Variants in AGTR1 observed in about 807,000 individuals in gnomAD.
The protein encoded by AGTR1 is angiotensin II receptor type 1.
In AGTR1, 16 loss-of-function variants were observed where a neutral mutation model predicts 19.4. The ratio of observed to expected loss-of-function variants is 0.82; its 90% CI spans 0.56 to 1.25. The LOEUF (loss-of-function observed/expected upper bound fraction) is 1.25, where lower values mean the gene tolerates loss of function less well. Ranked by LOEUF, AGTR1 falls within the 50% of genes most tolerant of loss-of-function variation. The pLI, the probability that AGTR1 is intolerant of heterozygous loss-of-function variation, is 0.00. For synonymous variants in AGTR1, 153 were observed against 154.9 expected (o/e 0.99, Z 0.09); for missense variants, 373 against 431.9 (o/e 0.86, Z 1.21).
chr3:148,740,845 T>C, intron 2 of AGTR1, 144 bp from the exon 3 acceptor site: 1 of 700,806 alleles, frequency 1.4e-6, no homozygotes, highest in South Asian at 1.9e-5. Flanking sequence ...CAGTTCACAG[T>C]GTTTCCTTAA....
chr3:148,735,540 A>C (rs1199243928), intron 2 of AGTR1, among the ~76,000 whole-genome samples: 1 of 152,196 alleles, frequency 6.6e-6, no homozygotes. Flanking sequence ...TAAATAGTAA[A>C]GCAATTGGGT....
chr3:148,704,302 G>T (rs1712540195), intron 1 of AGTR1, among the ~76,000 whole-genome samples: 1 of 151,940 alleles, frequency 6.6e-6, no homozygotes, highest in Admixed American at 6.6e-5. Flanking sequence ...GGAGGTGAAG[G>T]CTGCAGTGAG....
intron 1 of AGTR1, among the ~76,000 whole-genome samples, chr3:148,704,086 G>A (rs1364999895): frequency 6.6e-6 from 1 of 152,030 alleles, no homozygotes; most frequent in South Asian, 2.1e-4. Context: ...TGGAGCCCAG[G>A]TATGGTGGCT....
chr3:148,736,874 G>T (rs140182445), intron 2 of AGTR1, among the ~76,000 whole-genome samples: 8 of 152,292 alleles, frequency 5.3e-5, no homozygotes, highest in African/African-American at 1.9e-4. Flanking sequence ...TTTAATCAGG[G>T]TTCTATCTAC....
At chr3:148,717,124 G>T (rs1363930453) in intron 2 of AGTR1, among the ~76,000 whole-genome samples, 1 of 129,344 alleles carries the variant, frequency 7.7e-6, no homozygotes, top group Non-Finnish European at 1.5e-5. Flanking sequence ...CTTATCTATT[G>T]CTCACACACT....
chr3:148,726,878 G>A (rs997689174), intron 2 of AGTR1, among the ~76,000 whole-genome samples: 2 of 152,122 alleles, frequency 1.3e-5, no homozygotes, highest in African/African-American at 4.8e-5. Context: ...GAACAGTGGT[G>A]TTTTCATAGT....
intron 2 of AGTR1, among the ~76,000 whole-genome samples, chr3:148,713,168 A>T (rs1171717275): frequency 6.6e-6 from 1 of 152,192 alleles, no homozygotes; most frequent in Non-Finnish European, 1.5e-5. Flanking sequence ...GGCCTAATTT[A>T]ACATCTTAAA....
Position 148,741,798 on chromosome 3 carries a change from C to A in AGTR1, c.763C>A (p.Pro255Thr). Reference protein sequence around the residue: ...IVLFFFFSWIPHQIFTFLDVL... With the variant: ...IVLFFFFSWITHQIFTFLDVL... ...GCTTTTCTTTTTCTTTTCCTGGATTCCCCACCAAATATTCACTTTTCTGGA... is the reference window on the plus strand; with the variant it reads ...GCTTTTCTTTTTCTTTTCCTGGATTACCCACCAAATATTCACTTTTCTGGA... The change falls in exon 3 of 3, where the codon CCC becomes ACC. Residue 255 changes from proline to threonine, a missense_variant. By Grantham distance (38) the Pro-to-Thr change is conservative (BLOSUM62 -1). Coordinates refer to ENST00000349243, the MANE Select transcript of AGTR1 (RefSeq NM_000685.5). The A allele has an allele frequency of 6.2e-7, 1 of 1,613,064 alleles. No homozygotes were observed. Among genetic ancestry groups the A allele is most frequent in the Non-Finnish European group, 8.5e-7 (1 of 1,179,836 alleles).
chr3:148,740,034 G>T, intron 2 of AGTR1: 1 of 1,168,954 alleles, frequency 8.6e-7, no homozygotes, highest in South Asian at 4.3e-5. Context: ...AGAATGTGTT[G>T]ATTTTCTAAA....
chr3:148,732,980 T>TC (rs1308410526), intron 2 of AGTR1, among the ~76,000 whole-genome samples: 2 of 151,812 alleles, frequency 1.3e-5, no homozygotes, highest in African/African-American at 4.8e-5. Context: ...GACCTCGTGA[T>TC]CCGCCCGCCT....
At position 148,741,761 on chromosome 3, in the gene AGTR1, T is replaced by C; in HGVS notation, c.726T>C (p.Ile242=). Residue 242 remains isoleucine, a synonymous_variant, in exon 3 of 3, where the codon ATT becomes ATC. Transcript: ENST00000349243. ...KPRNDDIFKI[I]MAIVLFFFFS... ...GAAATGATGATATTTTTAAGATAAT[T>C]ATGGCAATTGTGCTTTTCTTTTTCT... 6.2e-7 allele frequency: 1 copy of C among 1,613,586 alleles called. No homozygotes were observed. The highest frequency in any genetic ancestry group is 8.5e-7 in the Non-Finnish European group (1 of 1,179,950).
At chr3:148,732,187 T>C (rs1714295012) in intron 2 of AGTR1, among the ~76,000 whole-genome samples, 1 of 152,252 alleles carries the variant, frequency 6.6e-6, no homozygotes, top group Non-Finnish European at 1.5e-5. Context: ...TGGCAAGCTT[T>C]TAATTTTGAT....
At chr3:148,698,780 C>T (rs1296969505) in intron 1 of AGTR1, among the ~76,000 whole-genome samples, 3 of 152,184 alleles carry the variant, frequency 2.0e-5, no homozygotes, top group African/African-American at 7.2e-5. Flanking sequence ...ACAGCCTTAG[C>T]CAATGCATGT....
intron 2 of AGTR1, among the ~76,000 whole-genome samples, chr3:148,723,501 C>A (rs577556385): frequency 6.6e-6 from 1 of 152,028 alleles, no homozygotes; most frequent in South Asian, 2.1e-4. Flanking sequence ...ATAAGAATAC[C>A]CAAATCATGG....
chr3:148,729,237 G>C (rs1000376053), intron 2 of AGTR1, among the ~76,000 whole-genome samples: 1 of 152,338 alleles, frequency 6.6e-6, no homozygotes, highest in South Asian at 2.1e-4. Flanking sequence ...AACAAGAGGA[G>C]ATGATGGTCT....
intron 2 of AGTR1, among the ~76,000 whole-genome samples, chr3:148,735,857 G>C (rs534839490): frequency 6.6e-6 from 1 of 152,264 alleles, no homozygotes; most frequent in East Asian, 1.9e-4. Context: ...TTATTGAACA[G>C]GATGGTTTAT....
intron 2 of AGTR1, among the ~76,000 whole-genome samples, chr3:148,713,793 T>A (rs1713136976): frequency 6.6e-6 from 1 of 152,150 alleles, no homozygotes; most frequent in South Asian, 2.1e-4. Flanking sequence ...GACAGGGCTA[T>A]GTTTTAGATT....
intron 2 of AGTR1, among the ~76,000 whole-genome samples, chr3:148,721,043 T>C (rs1444255219): frequency 2.0e-5 from 3 of 152,202 alleles, no homozygotes; most frequent in Non-Finnish European, 4.4e-5. Flanking sequence ...TTTTGCCCCA[T>C]GGGTTCTGGG....
intron 2 of AGTR1, among the ~76,000 whole-genome samples, chr3:148,733,596 GCC>G (rs766616471): frequency 2.6e-5 from 4 of 152,124 alleles, no homozygotes; most frequent in Non-Finnish European, 5.9e-5. Context: ...TATTGACTAA[GCC>G]CATATTGGTG....
Sources: allele counts gnomAD v4.1 joint callset (sites outside exome capture counted in the v4.1 genomes callset), GRCh38; gene constraint gnomAD v4.1.1; transcripts MANE v1.5; gene names NCBI Gene and HGNC (gene_info 2026-07-23, HGNC 2026-07-21).